Variants in SDK1 observed in about 807,000 individuals in gnomAD.
The protein encoded by SDK1 is sidekick cell adhesion molecule 1, also known as protein sidekick-1.
A neutral mutation model predicts 245.5 loss-of-function variants in SDK1; 157 were observed. The observed-to-expected ratio is 0.64, with a 90% CI of 0.56 to 0.73. The LOEUF (loss-of-function observed/expected upper bound fraction) is 0.73, where lower values mean the gene tolerates loss of function less well. Ranked by LOEUF, SDK1 falls within the 30% of genes least tolerant of loss-of-function variation. The pLI is 0.00. For missense variants in SDK1, 3,583 were observed against 3,002.3 expected, an observed-to-expected ratio of 1.19 and a Z score of -4.52; for synonymous variants, 1,647 against 1,278.5, an observed-to-expected ratio of 1.29 and a Z score of -6.15.
chr7:3,459,133 T>C (rs1780758725), intron 1 of SDK1, among the ~76,000 whole-genome samples: 1 of 152,200 alleles, frequency 6.6e-6, no homozygotes, highest in African/African-American at 2.4e-5. Context: ...TTCTAACCTA[T>C]GATTTTTGTG....
chr7:3,540,412 CAAAA>C (rs1779021416), intron 1 of SDK1, among the ~76,000 whole-genome samples: 1 of 151,890 alleles, frequency 6.6e-6, no homozygotes, highest in African/African-American at 2.4e-5. Context: ...ATCTCAAAAA[CAAAA>C]AAAGAAGAGG....
chr7:4,040,078 A>C (rs6462550), intron 17 of SDK1, among the ~76,000 whole-genome samples: 47,544 of 151,880 alleles, frequency 0.31, 11,642 homozygotes, highest in African/African-American at 0.69. Flanking sequence ...AGCTTTATTG[A>C]ATGTCAAGTG....
chr7:3,356,483 G>C (rs961187029), intron 1 of SDK1, among the ~76,000 whole-genome samples: 3 of 152,116 alleles, frequency 2.0e-5, no homozygotes, highest in Admixed American at 6.5e-5. Flanking sequence ...GGAGGCTGCA[G>C]TATATTTGGA....
At chr7:3,591,469 C>T (rs990163544) in intron 1 of SDK1, among the ~76,000 whole-genome samples, 7 of 152,336 alleles carry the variant, frequency 4.6e-5, no homozygotes, top group African/African-American at 1.4e-4. Flanking sequence ...ACAGAGGTTT[C>T]GGCTTTGGCC....
intron 1 of SDK1, among the ~76,000 whole-genome samples, chr7:3,328,896 T>C (rs1029300195): frequency 1.3e-5 from 2 of 152,142 alleles, no homozygotes; most frequent in East Asian, 1.9e-4. Context: ...TGAACAACTT[T>C]GTGCAGTTTG....
intron 5 of SDK1, among the ~76,000 whole-genome samples, chr7:3,827,369 C>T (rs143133860): frequency 1.2e-4 from 18 of 152,022 alleles, no homozygotes; most frequent in African/African-American, 3.4e-4. Flanking sequence ...CCTTTCTTTC[C>T]GAACGAGATG....
rs185031665 is a variant in SDK1 at position 3,321,318 on chromosome 7, C to T, written c.298+19434C>T. Among the ~76,000 whole-genome samples, 11 of 152,292 alleles carry T rather than the reference C, an allele frequency of 7.2e-5. No homozygotes were observed. The East Asian group carries it at 2.1e-3, about 29-fold the overall frequency. ...TTAATTTGAGTTGATTTCTTCAGAG[C>T]ACATAACGTTTCTTAAAGTACAGTA... is the stretch of plus-strand genomic sequence containing the variant. On this transcript the variant is annotated intron_variant, in intron 1 of 44. Transcript: ENST00000404826.
At chr7:3,863,010 C>G (rs770292549) in intron 5 of SDK1, among the ~76,000 whole-genome samples, 1 of 152,166 alleles carries the variant, frequency 6.6e-6, no homozygotes. Flanking sequence ...ACCAGCAGCT[C>G]GCCTCCTGCT....
intron 1 of SDK1, among the ~76,000 whole-genome samples, chr7:3,465,548 C>G (rs1283614561): frequency 6.6e-6 from 1 of 152,128 alleles, no homozygotes; most frequent in Non-Finnish European, 1.5e-5. Context: ...TGGCTTTGCA[C>G]TGCTCTCATT....
At chr7:3,997,040 A>G (rs1784737511) in intron 14 of SDK1, among the ~76,000 whole-genome samples, 1 of 152,252 alleles carries the variant, frequency 6.6e-6, no homozygotes, top group Non-Finnish European at 1.5e-5. Context: ...ACAAAATACA[A>G]GTCATTTACA....
chr7:3,592,222 G>C (rs1780900097), intron 1 of SDK1, among the ~76,000 whole-genome samples: 2 of 152,160 alleles, frequency 1.3e-5, no homozygotes, highest in Admixed American at 1.3e-4. Context: ...CCAACAGTGT[G>C]AAATCAAAAT....
intron 1 of SDK1, among the ~76,000 whole-genome samples, chr7:3,520,540 AT>A (rs1437757767): frequency 6.6e-6 from 1 of 152,190 alleles, no homozygotes; most frequent in Non-Finnish European, 1.5e-5. Context: ...TTTAATATAA[AT>A]CTCTTACTTA....
chr7:4,009,450 T>C (rs1269866247), intron 14 of SDK1, among the ~76,000 whole-genome samples: 2 of 152,176 alleles, frequency 1.3e-5, no homozygotes, highest in African/African-American at 4.8e-5. Context: ...GGTTTTAGGC[T>C]CCCAGAGTAA....
chr7:3,509,157 C>G (rs1782496733), intron 1 of SDK1, among the ~76,000 whole-genome samples: 1 of 151,894 alleles, frequency 6.6e-6, no homozygotes, highest in African/African-American at 2.4e-5. Flanking sequence ...CTTAAGGTGT[C>G]AGAATATTAA....
intron 4 of SDK1, among the ~76,000 whole-genome samples, chr7:3,770,343 A>G (rs893268349): frequency 2.0e-5 from 3 of 152,168 alleles, no homozygotes; most frequent in African/African-American, 4.8e-5. Context: ...GATGTACCAC[A>G]GTTTGTTTCG....
intron 5 of SDK1, among the ~76,000 whole-genome samples, chr7:3,928,759 TCTTCACA>T (rs1562543541): frequency 6.6e-6 from 1 of 152,196 alleles, no homozygotes; most frequent in African/African-American, 2.4e-5. Context: ...TTCTCACTAA[TCTTCACA>T]CTTACAGGAA....
In SDK1 at chr7:3,618,381, T is replaced by C. The variant is rs1781833761; in HGVS notation, c.299-699T>C. Among the ~76,000 whole-genome samples the C allele has an allele frequency of 2.6e-5, 4 of 152,350 alleles. No homozygotes were observed. In the South Asian group the frequency reaches 8.3e-4, roughly 32 times the overall value. The stretch of plus-strand genomic sequence containing the variant: ...ATTAGTTTTATCTGGCTGTGAACTT[T>C]TATGAACTTTTGAATAGTAGCACAT... On this transcript the variant is annotated intron_variant, in intron 1 of 44. Coordinates refer to ENST00000404826, the MANE Select transcript of SDK1 (RefSeq NM_152744.4).
intron 1 of SDK1, among the ~76,000 whole-genome samples, chr7:3,480,714 A>G (rs1562512534): frequency 2.0e-5 from 3 of 152,184 alleles, no homozygotes; most frequent in African/African-American, 2.4e-5. Flanking sequence ...TCCTGAATAA[A>G]CTGTTTTGGA....
At chr7:3,436,390 T>A (rs1411446679) in intron 1 of SDK1, among the ~76,000 whole-genome samples, 4 of 152,200 alleles carry the variant, frequency 2.6e-5, no homozygotes, top group African/African-American at 7.2e-5. Flanking sequence ...AAAACCTAAT[T>A]CAATACATTT....
Sources: allele counts gnomAD v4.1 joint callset (sites outside exome capture counted in the v4.1 genomes callset), GRCh38; gene constraint gnomAD v4.1.1; transcripts MANE v1.5; gene names NCBI Gene and HGNC (gene_info 2026-07-23, HGNC 2026-07-21).